The following CSMD1 variants were observed in gnomAD, a reference collection of about 807,000 sequenced individuals.
CSMD1 encodes the protein CUB and sushi domain-containing protein 1.
CSMD1 carries 213 observed loss-of-function variants against 417.5 expected under a neutral mutation model. The ratio of observed to expected loss-of-function variants is 0.51; its 90% CI spans 0.46 to 0.57. The LOEUF (loss-of-function observed/expected upper bound fraction) is 0.57. Among genes scored for constraint, CSMD1 ranks in the 20% least tolerant of loss-of-function variants. CSMD1 has a pLI of 0.00. For missense variants in CSMD1, 6,923 were observed against 4,529.7 expected (o/e 1.53, Z -15.17); for synonymous variants, 2,862 against 1,736.8 (o/e 1.65, Z -16.11).
At chr8:3,966,762 C>G (rs956877001) in intron 5 of CSMD1, among the ~76,000 whole-genome samples, 1 of 112,358 alleles carries the variant, frequency 8.9e-6, no homozygotes, top group African/African-American at 3.8e-5. Context: ...CACGCGCGCG[C>G]GCGCACACAC....
rs575129706 is a variant in CSMD1, at chr8:4,460,742, C to G, written c.303-40677G>C. ...AATACAAATTACCCAAAACTTAAGT[C>G]AAACAACATCAGAATAGACCTCAAG... is the stretch of plus-strand genomic sequence containing the variant. On this transcript the variant is annotated intron_variant, in intron 2 of 69. Transcript: ENST00000635120. Among the ~76,000 whole-genome samples the G allele has an allele frequency of 7.2e-5, 11 of 152,140 alleles. No individual in the cohort carries two copies. The South Asian group carries it at 2.3e-3, about 32-fold the overall frequency.
intron 5 of CSMD1, among the ~76,000 whole-genome samples, chr8:3,900,770 G>C (rs535115451): frequency 1.3e-5 from 2 of 151,502 alleles, no homozygotes; most frequent in East Asian, 3.9e-4. Context: ...GTACAGCTGG[G>C]TGACACTGTA....
intron 35 of CSMD1, 45 bp downstream of exon 35, chr8:3,188,842 A>C (rs747263162): frequency 3.5e-6 from 5 of 1,433,760 alleles, no homozygotes; most frequent in Admixed American, 2.5e-5. Context: ...AAGCCCATGG[A>C]CCCCAGCTGA....
At position 4,892,743 on chromosome 8, in the gene CSMD1, C is replaced by T. The variant is rs546353504; in HGVS notation, c.85+101589G>A. ...TTTAACACTTTTGCTTTCTGATTTG[C>T]ATCTCATTTTTATTCTTTGTATTAT... On this transcript the variant is annotated intron_variant, in intron 1 of 69. Transcript: ENST00000635120. 3.1e-4 allele frequency among the ~76,000 whole-genome samples: 47 copies of T among 151,944 alleles called. No individual in the cohort carries two copies. In the South Asian group the frequency reaches 8.7e-3, roughly 28 times the overall value.
intron 3 of CSMD1, among the ~76,000 whole-genome samples, chr8:4,367,452 A>G (rs1802145248): frequency 6.6e-6 from 1 of 152,088 alleles, no homozygotes; most frequent in Admixed American, 6.6e-5. Context: ...TGATGTTTTG[A>G]TTAATGTAGT....
chr8:3,839,174 T>C (rs1381855255), intron 5 of CSMD1, among the ~76,000 whole-genome samples: 1 of 126,794 alleles, frequency 7.9e-6, no homozygotes, highest in Non-Finnish European at 1.6e-5. Context: ...TCTCTCTATA[T>C]ATTTATATAT....
intron 2 of CSMD1, among the ~76,000 whole-genome samples, chr8:4,488,921 T>A (rs1801558566): frequency 1.3e-5 from 2 of 152,174 alleles, no homozygotes; most frequent in Non-Finnish European, 2.9e-5. Flanking sequence ...TAAACATTTT[T>A]TTATTTTTGA....
At chr8:4,743,356 A>G (rs975456622) in intron 1 of CSMD1, among the ~76,000 whole-genome samples, 1 of 152,212 alleles carries the variant, frequency 6.6e-6, no homozygotes, top group Admixed American at 6.5e-5. Flanking sequence ...AAACAGCCCA[A>G]CAAAAAACGT....
At chr8:4,199,304 G>C (rs530192401) in intron 3 of CSMD1, among the ~76,000 whole-genome samples, 1 of 152,188 alleles carries the variant, frequency 6.6e-6, no homozygotes, top group South Asian at 2.1e-4. Flanking sequence ...GCAGTGTATG[G>C]GTGCTTTTTC....
At position 4,272,115 on chromosome 8, in the gene CSMD1, G is replaced by T. The variant is rs953306405; in HGVS notation, c.415+147838C>A. Reference sequence around the variant, plus strand: ...CTGTACACCCACACCTGTCAGGGGTGTGTGTGTGTGGCTGGACACATGGAG... The same window carrying T: ...CTGTACACCCACACCTGTCAGGGGTTTGTGTGTGTGGCTGGACACATGGAG... On this transcript the variant is annotated intron_variant, in intron 3 of 69. Transcript: ENST00000635120. Among the ~76,000 whole-genome samples, 13 of 152,024 alleles carry T rather than the reference G, an allele frequency of 8.6e-5. 1 individual carries two copies. In the South Asian group the frequency reaches 2.3e-3, roughly 27 times the overall value.
At chr8:4,914,893 G>T (rs367982838) in intron 1 of CSMD1, among the ~76,000 whole-genome samples, 14 of 152,200 alleles carry the variant, frequency 9.2e-5, no homozygotes, top group African/African-American at 3.1e-4. Flanking sequence ...AAGACATGGG[G>T]TATTCCCAAG....
chr8:4,274,352 A>C (rs1796347864), intron 3 of CSMD1, among the ~76,000 whole-genome samples: 1 of 152,128 alleles, frequency 6.6e-6, no homozygotes. Context: ...TTTACGTTTC[A>C]CTTTTCTAAA....
At chr8:3,097,164 T>A in intron 46 of CSMD1, 127 bp from the exon 47 acceptor site, 2 of 647,362 alleles carry the variant, frequency 3.1e-6, no homozygotes, top group Non-Finnish European at 5.1e-6. Context: ...TCTGGCCAAA[T>A]TTAATACCGA....
chr8:4,656,913 G>A (rs117153830), intron 1 of CSMD1, among the ~76,000 whole-genome samples: 1,790 of 152,036 alleles, frequency 0.012, 39 homozygotes, highest in East Asian at 0.098. Context: ...ATCTGGGGGC[G>A]GCCTGAAACA....
intron 62 of CSMD1, among the ~76,000 whole-genome samples, chr8:2,959,411 A>G (rs1803275158): frequency 6.6e-6 from 1 of 152,088 alleles, no homozygotes; most frequent in Non-Finnish European, 1.5e-5. Context: ...CTTCCTCTCT[A>G]TCAGGAACGG....
At chr8:4,930,786 G>C (rs1315790281) in intron 1 of CSMD1, among the ~76,000 whole-genome samples, 1 of 152,118 alleles carries the variant, frequency 6.6e-6, no homozygotes, top group African/African-American at 2.4e-5. Context: ...ATTAAGGAAA[G>C]CAATTTCAGC....
intron 3 of CSMD1, among the ~76,000 whole-genome samples, chr8:4,416,931 T>C (rs953613908): frequency 2.6e-5 from 4 of 152,104 alleles, no homozygotes; most frequent in Admixed American, 1.3e-4. Flanking sequence ...AATCTTATTA[T>C]AAACTATGTG....
intron 49 of CSMD1, among the ~76,000 whole-genome samples, chr8:3,057,698 G>C (rs1367261722): frequency 6.6e-6 from 1 of 152,058 alleles, no homozygotes; most frequent in Non-Finnish European, 1.5e-5. Flanking sequence ...AAGTCTAATA[G>C]TCATTAAAAG....
intron 2 of CSMD1, among the ~76,000 whole-genome samples, chr8:4,555,990 T>G (rs1798071350): frequency 6.6e-6 from 1 of 152,128 alleles, no homozygotes; most frequent in Admixed American, 6.5e-5. Flanking sequence ...TGATTTTCTG[T>G]AAGTATATTT....
Sources: gnomAD v4.1 joint callset for allele counts (sites outside exome capture counted in the v4.1 genomes callset) on GRCh38, gnomAD v4.1.1 for gene constraint, MANE v1.5 for transcripts, NCBI Gene and HGNC (gene_info 2026-07-23, HGNC 2026-07-21) for gene names.